SCCPDH: variants seen among roughly 807,000 people sequenced by gnomAD.
The protein encoded by SCCPDH is saccharopine dehydrogenase (putative).
A neutral mutation model predicts 51.5 loss-of-function variants in SCCPDH; 34 were observed. The ratio of observed to expected loss-of-function variants is 0.66; its 90% confidence interval spans 0.50 to 0.88. The LOEUF (loss-of-function observed/expected upper bound fraction) is 0.88. Among genes scored for constraint, SCCPDH ranks in the 40% least tolerant of loss-of-function variants. SCCPDH has a pLI of 0.00. For missense variants in SCCPDH, 464 were observed against 527.1 expected, an observed-to-expected ratio of 0.88 and a Z score of 1.17; for synonymous variants, 187 against 191.3, an observed-to-expected ratio of 0.98 and a Z score of 0.19.
At position 246,761,177 on chromosome 1, in the gene SCCPDH, G is replaced by A. The variant is rs75135397; in HGVS notation, c.990+950G>A. Among the ~76,000 whole-genome samples the A allele has an allele frequency of 1.9e-3, 293 of 152,144 alleles. 2 individuals carry two copies. The highest frequency in any genetic ancestry group is 3.6e-3 in the Non-Finnish European group (247 of 68,010). On this transcript the variant is annotated intron_variant, in intron 9 of 11. Transcript: ENST00000366510. ...CTGGATGATATGTTCCCTGTACAAGGCTAATCCCCCGCCTGTGCACTTAAT... is the reference window on the plus strand; with the variant it reads ...CTGGATGATATGTTCCCTGTACAAGACTAATCCCCCGCCTGTGCACTTAAT...
intron 5 of SCCPDH, among the ~76,000 whole-genome samples, chr1:246,744,703 C>T (rs763446099): frequency 2.0e-5 from 3 of 152,182 alleles, no homozygotes; most frequent in Non-Finnish European, 4.4e-5. Context: ...CAATCTCTGC[C>T]TCCCGGATTT....
At chr1:246,762,488 T>C (rs1669032485) in intron 9 of SCCPDH, among the ~76,000 whole-genome samples, 1 of 152,168 alleles carries the variant, frequency 6.6e-6, no homozygotes, top group Non-Finnish European at 1.5e-5. Context: ...TGTCATTGCC[T>C]TCTTTATAAA....
At chr1:246,745,114 G>A (rs1446550398) in intron 5 of SCCPDH, among the ~76,000 whole-genome samples, 1 of 152,220 alleles carries the variant, frequency 6.6e-6, no homozygotes. Flanking sequence ...TGACCAAACA[G>A]AGGTGTATGA....
chr1:246,763,826 T>G (rs1028167192), intron 9 of SCCPDH, among the ~76,000 whole-genome samples: 2 of 152,226 alleles, frequency 1.3e-5, no homozygotes, highest in African/African-American at 4.8e-5. Flanking sequence ...GGATAAGTCC[T>G]CAAGAATTTA....
At chr1:246,762,450 G>A (rs1669031337) in intron 9 of SCCPDH, among the ~76,000 whole-genome samples, 1 of 152,138 alleles carries the variant, frequency 6.6e-6, no homozygotes, top group Non-Finnish European at 1.5e-5. Flanking sequence ...CTGTCCAAGA[G>A]ATCTTTCTAA....
intron 1 of SCCPDH, 79 bp downstream of exon 1, chr1:246,724,691 C>G: frequency 1.6e-6 from 2 of 1,258,884 alleles, no homozygotes; most frequent in Non-Finnish European, 2.1e-6. Context: ...GCGTTTCTCC[C>G]GCAGGGATGC....
At chr1:246,731,991 GCTCAGAATGATGGTTTC>G (rs1319105619) in intron 2 of SCCPDH, among the ~76,000 whole-genome samples, 15 of 151,502 alleles carry the variant, frequency 9.9e-5, no homozygotes, top group African/African-American at 3.1e-4. Flanking sequence ...GTGATAGTTT[GCTCAGAATGATGGTTTC>G]CAGCTTCATC....
intron 9 of SCCPDH, among the ~76,000 whole-genome samples, chr1:246,762,200 AT>A (rs1669026199): frequency 3.3e-5 from 5 of 152,216 alleles, no homozygotes; most frequent in Admixed American, 3.3e-4. Flanking sequence ...CAAATCATAT[AT>A]TTGACAGAAG....
At chr1:246,747,566 C>A (rs1286238020) in intron 5 of SCCPDH, among the ~76,000 whole-genome samples, 1 of 152,110 alleles carries the variant, frequency 6.6e-6, no homozygotes, top group African/African-American at 2.4e-5. Flanking sequence ...AGCAAGGCAA[C>A]TTTACTTCTA....
At chr1:246,759,930 T>C (rs201420272) in intron 7 of SCCPDH, 27 bp from the exon 8 acceptor site, 32 of 1,599,538 alleles carry the variant, frequency 2.0e-5, no homozygotes, top group Non-Finnish European at 2.5e-5. Flanking sequence ...GGAGTAATGT[T>C]CTAACTTTGT....
chr1:246,742,525 C>G (rs554344399), intron 4 of SCCPDH, among the ~76,000 whole-genome samples: 1 of 152,314 alleles, frequency 6.6e-6, no homozygotes, highest in African/African-American at 2.4e-5. Flanking sequence ...GAGCCGCACA[C>G]CCAGGCCACA....
At chr1:246,740,543 G>C (rs554220581) in intron 4 of SCCPDH, among the ~76,000 whole-genome samples, 2 of 152,112 alleles carry the variant, frequency 1.3e-5, no homozygotes, top group Admixed American at 1.3e-4. Flanking sequence ...TATAGTTTGG[G>C]CTGTAAAATT....
chr1:246,726,829 GA>G (rs762897091), intron 1 of SCCPDH, 62 bp from the exon 2 acceptor site: 6 of 1,141,374 alleles, frequency 5.3e-6, no homozygotes, highest in African/African-American at 1.5e-5. Context: ...ACTGTAAAAA[GA>G]AGATAAGGAA....
intron 1 of SCCPDH, among the ~76,000 whole-genome samples, chr1:246,725,312 C>A (rs148985160): frequency 7.0e-6 from 1 of 142,984 alleles, no homozygotes; most frequent in African/African-American, 2.8e-5. Flanking sequence ...TTTATTGATT[C>A]TCTAAGCATT....
intron 2 of SCCPDH, among the ~76,000 whole-genome samples, chr1:246,727,931 A>C (rs1247224409): frequency 6.6e-6 from 1 of 152,152 alleles, no homozygotes. Flanking sequence ...GAATGGTTGA[A>C]AGGAAGGGCT....
rs569092133 is a variant in SCCPDH at position 246,741,686 on chromosome 1, A to G, written c.514+1385A>G. ...AATTATATCAGAGGTGAACAGCTAT[A>G]TGCCCATCTCAAAAAATGATTTGAA... On this transcript the variant is annotated intron_variant, in intron 4 of 11. Coordinates refer to ENST00000366510, the MANE Select transcript of SCCPDH (RefSeq NM_016002.3). 2.6e-5 allele frequency among the ~76,000 whole-genome samples: 4 copies of G among 152,356 alleles called. No individual in the cohort carries two copies. In the South Asian group the frequency reaches 8.3e-4, roughly 32 times the overall value.
Position 246,754,198 on chromosome 1 carries a change from C to A in SCCPDH, c.565-4028C>A, listed in dbSNP as rs375128714. The stretch of plus-strand genomic sequence containing the variant: ...TGGCTGCTCCTGTGGTGTTTCTTAC[C>A]TTGGTCTGTGCACAGAGTTACCTGG... On this transcript the variant is annotated intron_variant, in intron 5 of 11. Transcript: ENST00000366510. Among the ~76,000 whole-genome samples the A allele has an allele frequency of 1.1e-4, 16 of 152,084 alleles. No individual in the cohort carries two copies. The East Asian group carries it at 1.7e-3, about 17-fold the overall frequency.
intron 2 of SCCPDH, among the ~76,000 whole-genome samples, chr1:246,732,325 A>G (rs370582116): frequency 6.6e-6 from 1 of 152,136 alleles, no homozygotes; most frequent in Non-Finnish European, 1.5e-5. Context: ...ATTTGAGATA[A>G]TTTTAGGAAA....
chr1:246,734,581 T>A (rs1369681226), intron 2 of SCCPDH, among the ~76,000 whole-genome samples: 1 of 152,170 alleles, frequency 6.6e-6, no homozygotes, highest in African/African-American at 2.4e-5. Context: ...AGTCCTGTAA[T>A]TCCAGTGTTA....
Sources: allele counts gnomAD v4.1 joint callset (sites outside exome capture counted in the v4.1 genomes callset), GRCh38; gene constraint gnomAD v4.1.1; transcripts MANE v1.5; gene names NCBI Gene and HGNC (gene_info 2026-07-23, HGNC 2026-07-21).